MYH10: variants seen among roughly 807,000 people sequenced by gnomAD.
The protein encoded by MYH10 is myosin heavy chain 10.
MYH10 carries 55 observed loss-of-function variants against 257.8 expected under a neutral mutation model. The ratio of observed to expected loss-of-function variants is 0.21; its 90% CI spans 0.17 to 0.27. MYH10 has a LOEUF of 0.27. Ranked by LOEUF, MYH10 falls within the 10% of genes least tolerant of loss-of-function variation. The pLI is 1.00. For missense variants in MYH10, 1,631 were observed against 2,500.6 expected, an observed-to-expected ratio of 0.65 and a Z score of 7.42; for synonymous variants, 854 against 921.7, an observed-to-expected ratio of 0.93 and a Z score of 1.33.
chr17:8,596,279 A>G (rs1302993618), intron 3 of MYH10, among the ~76,000 whole-genome samples: 1 of 151,604 alleles, frequency 6.6e-6, no homozygotes, highest in Admixed American at 6.6e-5. Flanking sequence ...CAGCCTCCTG[A>G]GCAGCTGGGA....
chr17:8,505,177 A>G (rs2081034868), intron 27 of MYH10, among the ~76,000 whole-genome samples: 1 of 152,212 alleles, frequency 6.6e-6, no homozygotes. Context: ...ATGCTTCTCC[A>G]TTAAAAGGTA....
intron 2 of MYH10, among the ~76,000 whole-genome samples, chr17:8,616,223 T>C (rs1057334417): frequency 6.6e-6 from 1 of 151,746 alleles, no homozygotes; most frequent in African/African-American, 2.4e-5. Context: ...GTTGAGGCCA[T>C]AGTAAGCCAT....
At chr17:8,486,543 CAAAAAAAAA>C (rs67844660) in intron 36 of MYH10, among the ~76,000 whole-genome samples, 134 of 120,678 alleles carry the variant, frequency 1.1e-3, no homozygotes, top group African/African-American at 4.4e-3. Context: ...TATTTAGCTT[CAAAAAAAAA>C]AAAAAAAAAA....
intron 10 of MYH10, 86 bp from the exon 11 acceptor site, chr17:8,548,494 T>C (rs554355821): frequency 7.2e-7 from 1 of 1,385,992 alleles, no homozygotes; most frequent in Non-Finnish European, 9.9e-7. Flanking sequence ...TGCTAAAAAT[T>C]AGCTATACAA....
chr17:8,526,928 G>C (rs2081865862), intron 17 of MYH10, among the ~76,000 whole-genome samples: 1 of 152,200 alleles, frequency 6.6e-6, no homozygotes, highest in Non-Finnish European at 1.5e-5. Flanking sequence ...TCAACAGCCA[G>C]ATGCTGATGA....
At chr17:8,549,986 A>G (rs1165734570) in intron 9 of MYH10, among the ~76,000 whole-genome samples, 3 of 150,886 alleles carry the variant, frequency 2.0e-5, no homozygotes, top group Admixed American at 2.0e-4. Flanking sequence ...TCGTTCACTC[A>G]GTGCTCAATG....
intron 31 of MYH10, 113 bp downstream of exon 31, chr17:8,495,024 T>C (rs954632833): frequency 1.5e-5 from 10 of 674,750 alleles, no homozygotes; most frequent in Admixed American, 7.5e-5. Flanking sequence ...AAGTATGACA[T>C]AAAACTAGTA....
At chr17:8,548,214 A>C (rs1300210813) in intron 11 of MYH10, 99 bp downstream of exon 11, 1 of 819,082 alleles carries the variant, frequency 1.2e-6, no homozygotes, top group Admixed American at 2.5e-5. Flanking sequence ...GTCCCTTCAG[A>C]AATGCTTCAG....
intron 25 of MYH10, among the ~76,000 whole-genome samples, chr17:8,509,141 G>A (rs551030034): frequency 1.3e-5 from 2 of 152,124 alleles, no homozygotes; most frequent in African/African-American, 4.8e-5. Context: ...CATTTTTACC[G>A]TACCTTTTCT....
chr17:8,538,109 A>G (rs915265702), intron 14 of MYH10, among the ~76,000 whole-genome samples: 2 of 152,388 alleles, frequency 1.3e-5, no homozygotes, highest in African/African-American at 2.4e-5. Context: ...AGGAACATCA[A>G]TGGGATCATT....
intron 3 of MYH10, among the ~76,000 whole-genome samples, chr17:8,595,425 CTTTTTTTTTTT>C (rs10664342): frequency 1.1e-4 from 9 of 84,212 alleles, no homozygotes; most frequent in African/African-American, 1.8e-4. Flanking sequence ...AAGAACAGTT[CTTTTTTTTTTT>C]TTTTTTTTTT....
rs1198106787 is a variant in MYH10 at position 8,623,085 on chromosome 17, C to G, written c.162G>C (p.Arg54=). 4 of 1,614,066 alleles carry G rather than the reference C, an allele frequency of 2.5e-6. No homozygotes were observed. Among genetic ancestry groups the G allele is most frequent in the Admixed American group, 3.3e-5 (2 of 59,998 alleles). The change falls in exon 2 of 43, where the codon CGG becomes CGC. Residue 54 remains arginine, a synonymous_variant. Transcript: ENST00000360416. The part of the protein sequence containing the change: ...GFEAASIKEE[R]GDEVMVELAE... ...CCAACTCCACCATAACTTCATCTCC[C>G]CGTTCTTCTTTGATACTAGCTGCCT...
chr17:8,561,284 C>T (rs988565083), intron 7 of MYH10: 6 of 1,049,072 alleles, frequency 5.7e-6, no homozygotes, highest in Admixed American at 1.7e-5. Flanking sequence ...CGGCCACGTG[C>T]AGGCTATTCG....
chr17:8,556,528 A>G (rs2082802628), intron 7 of MYH10, among the ~76,000 whole-genome samples: 1 of 152,246 alleles, frequency 6.6e-6, no homozygotes. Context: ...AGCACTACAT[A>G]CTATATGATT....
In MYH10 at chr17:8,604,986, G is replaced by C; in HGVS notation, c.346-4C>G. ...CACAGAAGAGTCCAGAATAAGTCTA[G>C]AATAAAAATAAAATAGAGTATTAAA... On this transcript the variant is annotated splice_region_variant and splice_polypyrimidine_tract_variant and intron_variant, in intron 2 of 42. Coordinates refer to ENST00000360416, the MANE Select transcript of MYH10 (RefSeq NM_001256012.3). 1 of 1,413,354 alleles carries C rather than the reference G, an allele frequency of 7.1e-7. No individual in the cohort carries two copies. The highest frequency in any genetic ancestry group is 2.3e-4 in the Middle Eastern group (1 of 4,398). The allele number at this position is 1,413,354 out of a possible 1,614,324, so 87.6% of individuals were successfully genotyped here.
At chr17:8,581,609 T>C (rs1191830848) in intron 4 of MYH10, among the ~76,000 whole-genome samples, 1 of 152,228 alleles carries the variant, frequency 6.6e-6, no homozygotes, top group Non-Finnish European at 1.5e-5. Context: ...GATAGATACA[T>C]TCAAAACCTT....
chr17:8,495,456 T>C (rs1397390156), intron 30 of MYH10, among the ~76,000 whole-genome samples: 1 of 152,088 alleles, frequency 6.6e-6, no homozygotes, highest in East Asian at 1.9e-4. Flanking sequence ...GCCACCTTAA[T>C]AGTCTCTACC....
At chr17:8,557,293 C>T (rs984345009) in intron 7 of MYH10, among the ~76,000 whole-genome samples, 5 of 151,792 alleles carry the variant, frequency 3.3e-5, no homozygotes, top group Non-Finnish European at 7.4e-5. Flanking sequence ...AAGAACTCAC[C>T]CCATTTTCCT....
chr17:8,521,370 C>T, intron 17 of MYH10, 85 bp from the exon 18 acceptor site: 1 of 1,412,628 alleles, frequency 7.1e-7, no homozygotes, highest in Non-Finnish European at 9.9e-7. Flanking sequence ...AGTGCAGCAG[C>T]ACAAGCTTTG....
Sources: gnomAD v4.1 joint callset for allele counts (sites outside exome capture counted in the v4.1 genomes callset) on GRCh38, gnomAD v4.1.1 for gene constraint, MANE v1.5 for transcripts, NCBI Gene and HGNC (gene_info 2026-07-23, HGNC 2026-07-21) for gene names.